ADARB2: variants seen among roughly 807,000 people sequenced by gnomAD.
The protein encoded by ADARB2 is inactive double-stranded RNA-specific editase B2.
ADARB2 carries 25 observed loss-of-function variants against 62.2 expected under a neutral mutation model. The observed-to-expected ratio is 0.40, with a 90% CI of 0.29 to 0.56. ADARB2 has a LOEUF of 0.56. Ranked by LOEUF, ADARB2 falls within the 20% of genes least tolerant of loss-of-function variation. The pLI, the probability that ADARB2 is intolerant of heterozygous loss-of-function variation, is 0.43. For missense variants in ADARB2, 1,071 were observed against 1,077.4 expected (o/e 0.99, Z 0.08); for synonymous variants, 572 against 500.8 (o/e 1.14, Z -1.90).
intron 7 of ADARB2, among the ~76,000 whole-genome samples, chr10:1,202,887 T>A (rs1309236234): frequency 6.6e-6 from 1 of 152,206 alleles, no homozygotes; most frequent in Non-Finnish European, 1.5e-5. Flanking sequence ...CCGGAACGTA[T>A]GTGAGTGGCT....
chr10:1,232,565 ATGTG>A (rs374003210), intron 6 of ADARB2, among the ~76,000 whole-genome samples: 3 of 138,708 alleles, frequency 2.2e-5, no homozygotes, highest in African/African-American at 5.5e-5. Context: ...TGTATGTGCT[ATGTG>A]TGTGGTGTGT....
intron 1 of ADARB2, among the ~76,000 whole-genome samples, chr10:1,437,958 C>A (rs190175760): frequency 6.3e-4 from 96 of 152,350 alleles, no homozygotes; most frequent in African/African-American, 2.2e-3. Context: ...TTCTTAGGAA[C>A]ATTATGCCAG....
At chr10:1,554,492 C>T (rs1832673457) in intron 1 of ADARB2, among the ~76,000 whole-genome samples, 1 of 152,152 alleles carries the variant, frequency 6.6e-6, no homozygotes, top group South Asian at 2.1e-4. Flanking sequence ...CACTGTCCCC[C>T]AGCCAGCATC....
At chr10:1,713,831 G>C (rs1834981748) in intron 1 of ADARB2, among the ~76,000 whole-genome samples, 1 of 152,190 alleles carries the variant, frequency 6.6e-6, no homozygotes, top group Non-Finnish European at 1.5e-5. Context: ...TGAGGACACA[G>C]AGAGCGCCAA....
chr10:1,528,581 A>C (rs890033228), intron 1 of ADARB2, among the ~76,000 whole-genome samples: 2 of 152,242 alleles, frequency 1.3e-5, no homozygotes, highest in African/African-American at 4.8e-5. Flanking sequence ...TCATCCCAGC[A>C]GCGCCCGGTG....
chr10:1,729,414 C>T (rs1835204818), intron 1 of ADARB2, among the ~76,000 whole-genome samples: 1 of 152,150 alleles, frequency 6.6e-6, no homozygotes, highest in Admixed American at 6.5e-5. Flanking sequence ...ATTTTCACAG[C>T]TATAAGCCCA....
chr10:1,246,992 A>G (rs1830991799), intron 4 of ADARB2, among the ~76,000 whole-genome samples: 1 of 151,950 alleles, frequency 6.6e-6, no homozygotes. Flanking sequence ...ATTTGTTTGT[A>G]TCCTCCTTTA....
chr10:1,517,173 A>T (rs1296202321), intron 1 of ADARB2, among the ~76,000 whole-genome samples: 1 of 152,060 alleles, frequency 6.6e-6, no homozygotes, highest in Non-Finnish European at 1.5e-5. Context: ...CCCTGAAAGT[A>T]ACTCTTGCAT....
intron 1 of ADARB2, among the ~76,000 whole-genome samples, chr10:1,663,167 A>G (rs1348090016): frequency 1.3e-5 from 2 of 152,270 alleles, no homozygotes; most frequent in Non-Finnish European, 2.9e-5. Context: ...TTCGGTTTAC[A>G]GAAAAGTTGA....
rs1831749148 is a variant in ADARB2, at chr10:1,317,426, T to C, written c.1077+45602A>G. Among the ~76,000 whole-genome samples the C allele has an allele frequency of 2.0e-5, 3 of 152,214 alleles. 1 individual carries two copies. The South Asian group carries it at 6.2e-4, about 32-fold the overall frequency. On this transcript the variant is annotated intron_variant, in intron 3 of 9. Transcript: ENST00000381312. ...GTCTTCGTAAGTTGTTGTACGGATTTTTCTAGAACACTGAGGGTTTCACAT... is the reference window on the plus strand; with the variant it reads ...GTCTTCGTAAGTTGTTGTACGGATTCTTCTAGAACACTGAGGGTTTCACAT...
intron 3 of ADARB2, among the ~76,000 whole-genome samples, chr10:1,326,126 T>G (rs1188754074): frequency 6.6e-6 from 1 of 152,242 alleles, no homozygotes; most frequent in Non-Finnish European, 1.5e-5. Context: ...CCCCCCATAC[T>G]TGGTAAAACT....
intron 1 of ADARB2, among the ~76,000 whole-genome samples, chr10:1,669,091 T>A (rs777333978): frequency 6.6e-6 from 1 of 152,208 alleles, no homozygotes; most frequent in Non-Finnish European, 1.5e-5. Context: ...AGCCAAGCCC[T>A]AGCCTACTGC....
intron 3 of ADARB2, among the ~76,000 whole-genome samples, chr10:1,285,496 G>A (rs1831404685): frequency 6.6e-6 from 1 of 152,222 alleles, no homozygotes; most frequent in African/African-American, 2.4e-5. Flanking sequence ...CGTTGGACCA[G>A]CAATGGTCAG....
intron 1 of ADARB2, among the ~76,000 whole-genome samples, chr10:1,649,631 G>T (rs1258917398): frequency 1.3e-5 from 2 of 152,200 alleles, no homozygotes; most frequent in Non-Finnish European, 2.9e-5. Context: ...CCTATAACCT[G>T]GGCCAGATTA....
chr10:1,531,359 C>G (rs1412728492), intron 1 of ADARB2, among the ~76,000 whole-genome samples: 1 of 152,184 alleles, frequency 6.6e-6, no homozygotes, highest in Non-Finnish European at 1.5e-5. Flanking sequence ...GAGGCATGGC[C>G]AATTCTCCAA....
intron 1 of ADARB2, among the ~76,000 whole-genome samples, chr10:1,692,988 A>AC (rs1177092740): frequency 6.6e-6 from 1 of 151,822 alleles, no homozygotes; most frequent in Non-Finnish European, 1.5e-5. Flanking sequence ...GGACCTCCCC[A>AC]CCCTCCAGGT....
At chr10:1,331,070 A>G (rs1303801753) in intron 3 of ADARB2, among the ~76,000 whole-genome samples, 1 of 152,198 alleles carries the variant, frequency 6.6e-6, no homozygotes, top group African/African-American at 2.4e-5. Context: ...CAAAACTACA[A>G]TGAGACACCA....
intron 1 of ADARB2, among the ~76,000 whole-genome samples, chr10:1,691,730 G>A (rs1190205751): frequency 1.3e-5 from 2 of 152,232 alleles, no homozygotes; most frequent in African/African-American, 4.8e-5. Flanking sequence ...TGCTTGCTCT[G>A]GTTCGTCCCG....
intron 1 of ADARB2, among the ~76,000 whole-genome samples, chr10:1,460,965 TA>T (rs1035709959): frequency 3.9e-5 from 6 of 151,996 alleles, no homozygotes; most frequent in Admixed American, 6.6e-5. Context: ...ACTTAAAAGT[TA>T]AAAAAAACAA....
Sources: allele counts gnomAD v4.1 joint callset (sites outside exome capture counted in the v4.1 genomes callset), GRCh38; gene constraint gnomAD v4.1.1; transcripts MANE v1.5; gene names NCBI Gene and HGNC (gene_info 2026-07-23, HGNC 2026-07-21).